PHYKPL: variants seen among roughly 807,000 people sequenced by gnomAD.
PHYKPL encodes 5-phosphohydroxy-L-lysine phospho-lyase.
A neutral mutation model predicts 51.3 loss-of-function variants in PHYKPL; 42 were observed. The observed-to-expected ratio is 0.82, with a 90% CI of 0.64 to 1.06. The LOEUF is 1.06. Among genes scored for constraint, PHYKPL ranks in the 50% least tolerant of loss-of-function variants. PHYKPL has a pLI of 0.00. For missense variants in PHYKPL, 655 were observed against 586.6 expected, an observed-to-expected ratio of 1.12 and a Z score of -1.20; for synonymous variants, 264 against 236.0, an observed-to-expected ratio of 1.12 and a Z score of -1.09.
At position 178,211,968 on chromosome 5, in the gene PHYKPL, T is replaced by C. The variant is rs1166151709; in HGVS notation, c.1306A>G (p.Met436Val). Residue 436 changes from methionine to valine, a missense_variant and splice_region_variant, in exon 12 of 13, where the codon ATG becomes GTG. Transcript: ENST00000308158. ...VAKLDAILTD[M>V]EEKVRSCETL... Reference sequence around the variant, plus strand: ...TCACAACTTCTCACCTTCTCTTCCATGTCTGAAAAAGACCACAAAGCAATG... The same window carrying C: ...TCACAACTTCTCACCTTCTCTTCCACGTCTGAAAAAGACCACAAAGCAATG... 1.2e-6 allele frequency: 2 copies of C among 1,614,224 alleles called. No homozygotes were observed. Among genetic ancestry groups the C allele is most frequent in the Admixed American group, 1.7e-5 (1 of 60,030 alleles).
chr5:178,225,204 C>G (rs76062045), intron 4 of PHYKPL, 151 bp downstream of exon 4: 15,490 of 868,038 alleles, frequency 0.018, 185 homozygotes, highest in Non-Finnish European at 0.023. Flanking sequence ...TCTGGGAGGT[C>G]TCAGGCCTGG....
At chr5:178,225,539 A>G in intron 3 of PHYKPL, 110 bp from the exon 4 acceptor site, 2 of 985,634 alleles carry the variant, frequency 2.0e-6, no homozygotes, top group Admixed American at 3.9e-5. Context: ...TCAGGACATC[A>G]ACTAGTCAGT....
intron 8 of PHYKPL, among the ~76,000 whole-genome samples, chr5:178,218,697 A>T (rs952866000): frequency 6.6e-6 from 1 of 152,222 alleles, no homozygotes; most frequent in Non-Finnish European, 1.5e-5. Context: ...TAGTTATAGC[A>T]TCTTGAACTC....
At chr5:178,218,078 G>A (rs6877728) in intron 8 of PHYKPL, among the ~76,000 whole-genome samples, 36,014 of 81,922 alleles carry the variant, frequency 0.44, 8,849 homozygotes, top group African/African-American at 0.57. Flanking sequence ...TTAGCCGGGC[G>A]TGGTAGCGGG....
At chr5:178,209,490 A>T in intron 12 of PHYKPL, 1 of 1,536,472 alleles carries the variant, frequency 6.5e-7, no homozygotes, top group Non-Finnish European at 9.0e-7. Flanking sequence ...TTCCCTGCCT[A>T]CATGGAGCCT....
chr5:178,211,928 TGGAG>T lies in PHYKPL; in HGVS notation c.1342_1345del (p.Leu448SerfsTer29). On this transcript the variant is annotated frameshift_variant, in exon 12 of 13. Coordinates refer to ENST00000308158, the MANE Select transcript of PHYKPL (RefSeq NM_153373.4). LOFTEE classifies it high-confidence loss of function. The stretch of plus-strand genomic sequence containing the variant: ...AGGCAGAGCAGGGCTGGCTTAGGGC[TGGAG>T]CCTCAGCGTTTCACAACTTCTCACC... The T allele has an allele frequency of 6.2e-7, 1 of 1,613,356 alleles. No individual in the cohort carries two copies. Among genetic ancestry groups the T allele is most frequent in the East Asian group, 2.2e-5 (1 of 44,886 alleles).
chr5:178,222,847 C>T lies in PHYKPL; in HGVS notation c.701+5G>A. The stretch of plus-strand genomic sequence containing the variant: ...CCCTAGAGCAGACCCCGCCCACCTA[C>T]TCACTCTGCCACTTGGGAGAAGTAG... On this transcript the variant is annotated splice_donor_5th_base_variant and intron_variant, in intron 7 of 12. Transcript: ENST00000308158. 1.2e-6 allele frequency: 2 copies of T among 1,614,080 alleles called. No individual in the cohort carries two copies. The highest frequency in any genetic ancestry group is 1.7e-6 in the Non-Finnish European group (2 of 1,179,956).
In PHYKPL at chr5:178,214,824, T is replaced by C; in HGVS notation, c.1144A>G (p.Thr382Ala). Residue 382 changes from threonine to alanine, a missense_variant, in exon 10 of 13, where the codon ACT (threonine) becomes GCT (alanine). Coordinates refer to ENST00000308158, the MANE Select transcript of PHYKPL (RefSeq NM_153373.4). Reference protein sequence around the residue: ...IKDEATRTPATEEAAYLVSRL... With the variant: ...IKDEATRTPAAEEAAYLVSRL... ...GATACCAAGTAGGCAGCCTCTTCAG[T>C]TGCTGGTGTCCTTGTGGCCTCATCT... 1 of 1,613,992 alleles carries C rather than the reference T, an allele frequency of 6.2e-7. No individual in the cohort carries two copies. The highest frequency in any genetic ancestry group is 8.5e-7 in the Non-Finnish European group (1 of 1,180,014).
At chr5:178,229,323 G>T (rs1762919926) in intron 3 of PHYKPL, among the ~76,000 whole-genome samples, 1 of 152,114 alleles carries the variant, frequency 6.6e-6, no homozygotes. Context: ...GGCCGGGCTG[G>T]TCTCAAACTC....
Position 178,232,474 on chromosome 5 carries a change from C to A in PHYKPL, c.59+18G>T. ...GCGCAGCCCCGCGCCCCCCGCCGCC[C>A]GCCCCCCGCCCGGGTACCTGATGAG... On this transcript the variant is annotated intron_variant, in intron 1 of 12. Transcript: ENST00000308158. The A allele has an allele frequency of 1.5e-6, 2 of 1,359,046 alleles. No homozygotes were observed. Among genetic ancestry groups the A allele is most frequent in the South Asian group, 1.7e-5 (1 of 58,176 alleles). The allele number at this position is 1,359,046 out of a possible 1,614,324, so 84.2% of individuals were successfully genotyped here. A position where few individuals can be genotyped will look rare whatever the true frequency, so the allele number is the denominator to read the frequency against.
chr5:178,232,368 G>C (rs910233097), intron 1 of PHYKPL, 124 bp downstream of exon 1: 8 of 1,300,132 alleles, frequency 6.2e-6, no homozygotes, highest in Admixed American at 8.3e-5. Flanking sequence ...GCGGCCGGAC[G>C]GGATGGGTAG....
rs1259356992 is a variant in PHYKPL, at chr5:178,208,645, G to A, written c.*302C>T. ...TCAGGATTTTCTTTAGAAATACACT[G>A]GTCTGGTCTAATTTATTTAAGCAGG... On this transcript the variant is annotated 3_prime_UTR_variant, in exon 13 of 13. Coordinates refer to ENST00000308158, the MANE Select transcript of PHYKPL (RefSeq NM_153373.4). The A allele has an allele frequency of 6.6e-6, 1 of 152,154 alleles. No homozygotes were observed. The highest frequency in any genetic ancestry group is 1.5e-5 in the Non-Finnish European group (1 of 68,040). The allele number at this position is 152,154 out of a possible 1,614,324, so 9.4% of individuals were successfully genotyped here.
chr5:178,210,701 T>C (rs1487224010), intron 12 of PHYKPL: 1 of 1,166,958 alleles, frequency 8.6e-7, no homozygotes, highest in African/African-American at 1.5e-5. Context: ...GTACCAAATT[T>C]AACTTGGCAA....
intron 3 of PHYKPL, among the ~76,000 whole-genome samples, chr5:178,227,147 G>C (rs1762460276): frequency 6.6e-6 from 1 of 151,774 alleles, no homozygotes; most frequent in Non-Finnish European, 1.5e-5. Flanking sequence ...ATGGAGATAA[G>C]AGAGGTGATT....
At chr5:178,212,015 G>A (rs755582376) in intron 11 of PHYKPL, 45 bp from the exon 12 acceptor site, 2 of 1,603,996 alleles carry the variant, frequency 1.2e-6, no homozygotes, top group Middle Eastern at 1.7e-4. Flanking sequence ...ACCTTTCTCT[G>A]CTGAAGATGC....
chr5:178,211,730 T>C (rs1561679317), intron 12 of PHYKPL, 160 bp downstream of exon 12: 9 of 605,040 alleles, frequency 1.5e-5, no homozygotes, highest in East Asian at 2.8e-5. Flanking sequence ...AAGCTAAGCA[T>C]TGGAGAATTT....
chr5:178,231,631 GA>G (rs748341457), intron 1 of PHYKPL, 108 bp from the exon 2 acceptor site: 45 of 1,580,446 alleles, frequency 2.8e-5, no homozygotes, highest in Middle Eastern at 1.7e-4. Context: ...TGGCGGGGGG[GA>G]AATGAGAGCT....
chr5:178,231,748 G>GA, intron 1 of PHYKPL: 2 of 1,510,614 alleles, frequency 1.3e-6, no homozygotes, highest in Non-Finnish European at 1.8e-6. Flanking sequence ...GATTGTTTCT[G>GA]AAAGCATTTT....
At chr5:178,218,216 CAAAAAAAAAAAAA>C (rs777929826) in intron 8 of PHYKPL, among the ~76,000 whole-genome samples, 2 of 58,282 alleles carry the variant, frequency 3.4e-5, no homozygotes, top group East Asian at 5.6e-4. Context: ...AACTCCGTCT[CAAAAAAAAAAAAA>C]AAAAAAAAAG....
Sources: allele counts gnomAD v4.1 joint callset (sites outside exome capture counted in the v4.1 genomes callset), GRCh38; gene constraint gnomAD v4.1.1; transcripts MANE v1.5; gene names NCBI Gene and HGNC (gene_info 2026-07-23, HGNC 2026-07-21).